The following ATP1A4 variants were observed in gnomAD, a reference collection of about 807,000 sequenced individuals.
The protein encoded by ATP1A4 is sodium/potassium-transporting ATPase subunit alpha-4.
In ATP1A4, 90 loss-of-function variants were observed where a neutral mutation model predicts 114.3. The observed-to-expected ratio is 0.79, with a 90% CI of 0.66 to 0.94. ATP1A4 has a LOEUF of 0.94. Among genes scored for constraint, ATP1A4 ranks in the 40% least tolerant of loss-of-function variants. The pLI is 0.00. For synonymous variants in ATP1A4, 511 were observed against 494.1 expected, an observed-to-expected ratio of 1.03 and a Z score of -0.45; for missense variants, 1,222 against 1,313.6, an observed-to-expected ratio of 0.93 and a Z score of 1.08.
At chr1:160,163,071 A>G (rs1421771908) in intron 6 of ATP1A4, among the ~76,000 whole-genome samples, 1 of 152,144 alleles carries the variant, frequency 6.6e-6, no homozygotes, top group Non-Finnish European at 1.5e-5. Flanking sequence ...GTTTTTGACC[A>G]TTGACAGCTT....
At chr1:160,179,663 A>G (rs930374976) in intron 18 of ATP1A4, among the ~76,000 whole-genome samples, 1 of 152,198 alleles carries the variant, frequency 6.6e-6, no homozygotes, top group Non-Finnish European at 1.5e-5. Context: ...TCCCTCACTC[A>G]TTTGTTCATT....
Position 160,186,706 on chromosome 1 carries a change from C to G in ATP1A4, c.*7C>G. On this transcript the variant is annotated 3_prime_UTR_variant, in exon 22 of 22. Transcript: ENST00000368081. ...AAGGGAGACGTACTACTAAACTCAG[C>G]AGATGAAGAGCTTCATGTGACACAG... 6.2e-7 allele frequency: 1 copy of G among 1,610,442 alleles called. No homozygotes were observed. The highest frequency in any genetic ancestry group is 8.5e-7 in the Non-Finnish European group (1 of 1,178,294).
At chr1:160,180,818 C>T (rs1033571702) in intron 18 of ATP1A4, among the ~76,000 whole-genome samples, 16 of 148,358 alleles carry the variant, frequency 1.1e-4, no homozygotes, top group South Asian at 8.8e-4. Flanking sequence ...GGGTTCACAC[C>T]ATTCTCTCGC....
At chr1:160,184,230 C>G (rs1392706841) in intron 20 of ATP1A4, among the ~76,000 whole-genome samples, 1 of 152,008 alleles carries the variant, frequency 6.6e-6, no homozygotes, top group South Asian at 2.1e-4. Context: ...GGATTACATG[C>G]GTGAGCCACC....
At chr1:160,175,894 CA>C (rs1192424369) in intron 15 of ATP1A4, among the ~76,000 whole-genome samples, 197 bp from the exon 16 acceptor site, 1 of 152,114 alleles carries the variant, frequency 6.6e-6, no homozygotes, top group African/African-American at 2.4e-5. Flanking sequence ...AATCTAAGAA[CA>C]AACAGTACAC....
At chr1:160,153,520 A>C (rs1002660581) in intron 2 of ATP1A4, among the ~76,000 whole-genome samples, 2 of 152,218 alleles carry the variant, frequency 1.3e-5, no homozygotes, top group African/African-American at 4.8e-5. Flanking sequence ...GACCGCAAAG[A>C]ACTTGTGCTT....
rs759737165 is a variant in ATP1A4, at chr1:160,152,096, G to A, written c.56G>A (p.Arg19Gln). Residue 19 changes from arginine (R) to glutamine (Q), a missense_variant, in exon 1 of 22, where the codon CGA (arginine) becomes CAA (glutamine). Transcript: ENST00000368081. ...TVAPHDQSPR[R>Q]RPKKGLIKKK... is the part of the protein sequence containing the mutation. ...GCTCCCCATGACCAGAGTCCAAGACGAAGACCTAAAAAAGGGCTTATCAAG... is the reference window on the plus strand; with the variant it reads ...GCTCCCCATGACCAGAGTCCAAGACAAAGACCTAAAAAAGGGCTTATCAAG... 1.3e-5 allele frequency: 21 copies of A among 1,613,922 alleles called. No individual in the cohort carries two copies. The East Asian group carries it at 3.3e-4, about 26-fold the overall frequency.
chr1:160,180,764 G>A (rs1377277819), intron 18 of ATP1A4, among the ~76,000 whole-genome samples: 1 of 122,592 alleles, frequency 8.2e-6, no homozygotes, highest in Non-Finnish European at 1.6e-5. Context: ...GCCCAGGCTG[G>A]AGTGCAGTGG....
chr1:160,169,333 T>C lies in ATP1A4; in HGVS notation c.1492-1918T>C, dbSNP rs1224697010. 3.3e-5 allele frequency among the ~76,000 whole-genome samples: 5 copies of C among 152,238 alleles called. 1 individual carries two copies. In the South Asian group the frequency reaches 6.2e-4, roughly 19 times the overall value. ...CAGACTTCTCCCTCCGTCTCTTTTA[T>C]ATGTAATTTTCTATCAAGATGTGAT... On this transcript the variant is annotated intron_variant, in intron 10 of 21. Coordinates refer to ENST00000368081, the MANE Select transcript of ATP1A4 (RefSeq NM_144699.4).
At chr1:160,166,242 C>T (rs1653030664) in intron 7 of ATP1A4, among the ~76,000 whole-genome samples, 2 of 152,150 alleles carry the variant, frequency 1.3e-5, no homozygotes, top group South Asian at 4.1e-4. Context: ...GCACTCCAGC[C>T]TGGGTAACAC....
At position 160,167,386 on chromosome 1, in the gene ATP1A4, C is replaced by A. The variant is rs1465507047; in HGVS notation, c.1465C>A (p.Pro489Thr). Residue 489 changes from proline (P) to threonine (T), a missense_variant, in exon 10 of 22, where the codon CCC (proline) becomes ACC (threonine). Coordinates refer to ENST00000368081, the MANE Select transcript of ATP1A4 (RefSeq NM_144699.4). The stretch of plus-strand genomic sequence containing the variant: ...GAAAAACCCCAAGGTGGCAGAGATT[C>A]CCTTTAATTCTACCAACAAGTACCA... ...REKNPKVAEI[P>T]FNSTNKYQMS... The A allele has an allele frequency of 6.2e-7, 1 of 1,612,322 alleles. No homozygotes were observed. The highest frequency in any genetic ancestry group is 2.2e-5 in the East Asian group (1 of 44,890).
intron 20 of ATP1A4, 127 bp from the exon 21 acceptor site, chr1:160,186,149 C>T (rs909889895): frequency 4.5e-6 from 3 of 665,068 alleles, no homozygotes; most frequent in Non-Finnish European, 8.3e-6. Context: ...GTCTCCAGCA[C>T]CCAGCACAGT....
chr1:160,167,544 T>A, intron 10 of ATP1A4, 132 bp downstream of exon 10: 1 of 1,245,086 alleles, frequency 8.0e-7, no homozygotes, highest in Non-Finnish European at 1.1e-6. Flanking sequence ...GCATCCCAAT[T>A]AACGGAAGAC....
intron 17 of ATP1A4, among the ~76,000 whole-genome samples, chr1:160,177,122 T>A (rs1232705140): frequency 3.9e-5 from 6 of 152,204 alleles, no homozygotes; most frequent in Admixed American, 3.9e-4. Context: ...TTGACAGACA[T>A]TTGAGAGTCA....
intron 10 of ATP1A4, 52 bp from the exon 11 acceptor site, chr1:160,171,199 T>A (rs1308048993): frequency 6.7e-7 from 1 of 1,503,626 alleles, no homozygotes; most frequent in Non-Finnish European, 9.0e-7. Context: ...TTTTTGCCCC[T>A]GATCCTTGGT....
Position 160,167,012 on chromosome 1 carries a change from CGAATCGCTGGCCT to C in ATP1A4, c.1292_1304del (p.Arg431ProfsTer44). The C allele has an allele frequency of 6.2e-7, 1 of 1,614,140 alleles. No homozygotes were observed. The highest frequency in any genetic ancestry group is 8.5e-7 in the Non-Finnish European group (1 of 1,180,022). On this transcript the variant is annotated frameshift_variant, in exon 9 of 22. Coordinates refer to ENST00000368081, the MANE Select transcript of ATP1A4 (RefSeq NM_144699.4). LOFTEE classifies it high-confidence loss of function. Reference sequence around the variant, plus strand: ...CTCTGATACCTGGTTTATGCTGGCCCGAATCGCTGGCCTCTGCAACCGGGCTGACTTTAAGGCT... The same window carrying C: ...CTCTGATACCTGGTTTATGCTGGCCCCTGCAACCGGGCTGACTTTAAGGCT...
At position 160,159,024 on chromosome 1, in the gene ATP1A4, G is replaced by C. The variant is rs1237905625; in HGVS notation, c.548G>C (p.Gly183Ala). ...VPQQALVIRG[G>A]EKMQINVQEV... ...TAGCAAGCTCTGGTAATTCGAGGAG[G>C]AGAGAAGATGCAAATTAATGTACAA... Residue 183 changes from glycine (G) to alanine (A), a missense_variant, in exon 5 of 22, where the codon GGA becomes GCA. Physicochemically the swap from Gly to Ala is moderately conservative, Grantham distance 60 (BLOSUM62 0). Transcript: ENST00000368081. 6.2e-7 allele frequency: 1 copy of C among 1,614,070 alleles called. No homozygotes were observed. The highest frequency in any genetic ancestry group is 8.5e-7 in the Non-Finnish European group (1 of 1,179,962).
chr1:160,180,117 C>A (rs1304317727), intron 18 of ATP1A4, among the ~76,000 whole-genome samples: 2 of 152,114 alleles, frequency 1.3e-5, no homozygotes, highest in Non-Finnish European at 2.9e-5. Context: ...CAGAAGTAAT[C>A]GTGGAGTAAC....
rs1653086478 is a variant in ATP1A4 at position 160,167,559 on chromosome 1, A to T, written c.1491+147A>T. 3.6e-6 allele frequency: 4 copies of T among 1,112,622 alleles called. No individual in the cohort carries two copies. The South Asian group carries it at 4.4e-5, about 12-fold the overall frequency. 68.9% of individuals were successfully genotyped at this position (1,112,622 alleles called of 1,614,324 possible). On this transcript the variant is annotated intron_variant, in intron 10 of 21. Transcript: ENST00000368081. ...GCATCCCAATTAACGGAAGACTCAC[A>T]TCAAGAGAACGTGACAAACAGGTAA...
Sources: allele counts gnomAD v4.1 joint callset (sites outside exome capture counted in the v4.1 genomes callset), GRCh38; gene constraint gnomAD v4.1.1; transcripts MANE v1.5; gene names NCBI Gene and HGNC (gene_info 2026-07-23, HGNC 2026-07-21).